Variants in HMGCLL1 observed in about 807,000 individuals in gnomAD.
The protein encoded by HMGCLL1 is 3-hydroxymethyl-3-methylglutaryl-CoA lyase, cytoplasmic.
HMGCLL1 carries 36 observed loss-of-function variants against 39.1 expected under a neutral mutation model. The ratio of observed to expected loss-of-function variants is 0.92; its 90% confidence interval spans 0.71 to 1.22. HMGCLL1 has a LOEUF of 1.22. Among genes scored for constraint, HMGCLL1 ranks in the 50% most tolerant of loss-of-function variants. The pLI is 0.00. For synonymous variants in HMGCLL1, 149 were observed against 144.0 expected (o/e 1.03, Z -0.25); for missense variants, 451 against 416.5 (o/e 1.08, Z -0.72).
At chr6:55,616,281 T>C in the HMGCLL1 span, among the ~76,000 whole-genome samples, 1 of 152,076 alleles carries the variant, frequency 6.6e-6, no homozygotes, top group Non-Finnish European at 1.5e-5. Context: ...TGGGACTTGA[T>C]CTCTTGATCT....
At chr6:55,550,963 A>T (rs906107720) in intron 1 of HMGCLL1, among the ~76,000 whole-genome samples, 1 of 151,412 alleles carries the variant, frequency 6.6e-6, no homozygotes, top group Non-Finnish European at 1.5e-5. Context: ...GCTATAGCTC[A>T]TCAATTAGCT....
intron 1 of HMGCLL1, among the ~76,000 whole-genome samples, chr6:55,571,261 T>A (rs556987284): frequency 6.6e-6 from 1 of 152,308 alleles, no homozygotes; most frequent in African/African-American, 2.4e-5. Flanking sequence ...ATGCTTTACA[T>A]CAACAAAAAG....
At chr6:55,538,845 C>T (rs1320433406) in intron 3 of HMGCLL1, among the ~76,000 whole-genome samples, 1 of 151,616 alleles carries the variant, frequency 6.6e-6, no homozygotes, top group African/African-American at 2.4e-5. Context: ...TACACACACA[C>T]ACACACACAC....
the HMGCLL1 span, among the ~76,000 whole-genome samples, chr6:55,641,946 T>C: frequency 1.4e-5 from 2 of 145,640 alleles, no homozygotes; most frequent in African/African-American, 5.0e-5. Context: ...TTAGGGTACA[T>C]GTGCACATTG....
chr6:55,529,939 G>A (rs531768764), intron 3 of HMGCLL1, among the ~76,000 whole-genome samples: 43 of 151,942 alleles, frequency 2.8e-4, no homozygotes, highest in Non-Finnish European at 5.9e-4. Context: ...AAACTACTTC[G>A]CCAAATCATA....
chr6:55,478,971 T>C (rs1765593487), intron 7 of HMGCLL1, among the ~76,000 whole-genome samples: 2 of 151,706 alleles, frequency 1.3e-5, no homozygotes, highest in South Asian at 4.1e-4. Flanking sequence ...ACTATGGCTC[T>C]GAGCATCCTT....
Position 55,499,312 on chromosome 6 carries a change from T to C in HMGCLL1, c.543-13A>G. On this transcript the variant is annotated splice_polypyrimidine_tract_variant and intron_variant, in intron 5 of 8. Transcript: ENST00000274901. ...ACAAGACACATACCTAAATTAAAAA[T>C]ACAGCCTTATAAATATGCATATGGT... The C allele has an allele frequency of 2.5e-6, 4 of 1,583,366 alleles. No individual in the cohort carries two copies. The highest frequency in any genetic ancestry group is 3.4e-6 in the Non-Finnish European group (4 of 1,163,856).
chr6:55,655,520 G>A, the HMGCLL1 span, among the ~76,000 whole-genome samples: 3 of 136,634 alleles, frequency 2.2e-5, no homozygotes, highest in African/African-American at 8.1e-5. Context: ...AGTTGGATAG[G>A]TAGGTAGTTA....
the HMGCLL1 span, among the ~76,000 whole-genome samples, chr6:55,643,942 T>C: frequency 2.6e-5 from 4 of 152,044 alleles, no homozygotes; most frequent in African/African-American, 9.6e-5. Flanking sequence ...TGCTGGATCA[T>C]ATGGTAGCTT....
At chr6:55,532,724 C>A (rs557004471) in intron 3 of HMGCLL1, among the ~76,000 whole-genome samples, 1 of 151,534 alleles carries the variant, frequency 6.6e-6, no homozygotes, top group Middle Eastern at 3.4e-3. Context: ...TCGCTTGAAC[C>A]CAGGAGGTAG....
chr6:55,544,101 C>A (rs888571761), intron 1 of HMGCLL1, among the ~76,000 whole-genome samples: 1 of 152,042 alleles, frequency 6.6e-6, no homozygotes, highest in East Asian at 1.9e-4. Context: ...CCTAGTGGAA[C>A]CTATACCACA....
chr6:55,482,841 C>A (rs1765816100), intron 7 of HMGCLL1, among the ~76,000 whole-genome samples: 1 of 151,878 alleles, frequency 6.6e-6, no homozygotes, highest in South Asian at 2.1e-4. Flanking sequence ...GGTTCCCCCC[C>A]AAGAAATTTT....
the HMGCLL1 span, among the ~76,000 whole-genome samples, chr6:55,659,837 TC>T: frequency 6.6e-6 from 1 of 151,876 alleles, no homozygotes; most frequent in African/African-American, 2.4e-5. Context: ...CCAAAGTATT[TC>T]CCCCTTGAAA....
At chr6:55,580,067 C>T (rs1771945970), upstream of HMGCLL1, among the ~76,000 whole-genome samples, 1 of 152,104 alleles carries the variant, frequency 6.6e-6, no homozygotes, top group South Asian at 2.1e-4. Flanking sequence ...CCAGGGTGTC[C>T]ATGGCCAGGA....
chr6:55,490,918 C>T (rs981744655), intron 7 of HMGCLL1, among the ~76,000 whole-genome samples: 7 of 151,752 alleles, frequency 4.6e-5, no homozygotes, highest in African/African-American at 1.5e-4. Context: ...CTGATATAAA[C>T]AATCCAACCA....
upstream of HMGCLL1, among the ~76,000 whole-genome samples, chr6:55,581,227 T>C (rs1467097236): frequency 1.3e-5 from 2 of 152,212 alleles, no homozygotes; most frequent in Non-Finnish European, 2.9e-5. Flanking sequence ...TTTTCTAAAT[T>C]AAAAGGGTCT....
intron 4 of HMGCLL1, 39 bp from the exon 5 acceptor site, chr6:55,514,235 C>A: frequency 6.6e-7 from 1 of 1,505,152 alleles, no homozygotes; most frequent in Non-Finnish European, 9.0e-7. Context: ...CTAATAACTT[C>A]AAAAATGTGA....
chr6:55,540,850 A>T (rs1467196845), intron 3 of HMGCLL1, among the ~76,000 whole-genome samples: 3 of 152,152 alleles, frequency 2.0e-5, no homozygotes, highest in Non-Finnish European at 4.4e-5. Context: ...TATTGGAAAG[A>T]CAGCCAAAGA....
chr6:55,458,799 T>C (rs959409985), intron 7 of HMGCLL1, among the ~76,000 whole-genome samples: 1 of 152,228 alleles, frequency 6.6e-6, no homozygotes. Context: ...TTGCACTTTC[T>C]TCCATATCAC....
Sources: gnomAD v4.1 joint callset for allele counts (sites outside exome capture counted in the v4.1 genomes callset) on GRCh38, gnomAD v4.1.1 for gene constraint, MANE v1.5 for transcripts, NCBI Gene and HGNC (gene_info 2026-07-23, HGNC 2026-07-21) for gene names.